The following SARS1 variants were observed in gnomAD, a reference collection of about 807,000 sequenced individuals.
SARS1 encodes the protein seryl-tRNA synthetase 1, also known as serine--tRNA ligase, cytoplasmic.
In SARS1, 25 loss-of-function variants were observed where a neutral mutation model predicts 63.7. The observed-to-expected ratio is 0.39, with a 90% CI of 0.29 to 0.55. The LOEUF (loss-of-function observed/expected upper bound fraction) is 0.55. Ranked by LOEUF, SARS1 falls within the 20% of genes least tolerant of loss-of-function variation. The pLI is 0.62. For missense variants in SARS1, 417 were observed against 649.7 expected, an observed-to-expected ratio of 0.64 and a Z score of 3.89; for synonymous variants, 231 against 243.5, an observed-to-expected ratio of 0.95 and a Z score of 0.48.
At position 109,237,678 on chromosome 1, in the gene SARS1, G is replaced by A; in HGVS notation, c.1388-53G>A. On this transcript the variant is annotated intron_variant, in intron 10 of 10. Coordinates refer to ENST00000234677, the MANE Select transcript of SARS1 (RefSeq NM_006513.4). This position sits in a 1 kb window ranked among gnomAD's most constrained non-coding sequence, Gnocchi z 4.1. ...GTTGAATTCTCCCCAGAGGTCTTAGGGCTTTGACTCACTGAGAAACAACAG... is the reference window on the plus strand; with the variant it reads ...GTTGAATTCTCCCCAGAGGTCTTAGAGCTTTGACTCACTGAGAAACAACAG... 1 of 1,598,608 alleles carries A rather than the reference G, an allele frequency of 6.3e-7. No individual in the cohort carries two copies.
intron 6 of SARS1, 34 bp downstream of exon 6, chr1:109,231,820 CT>C (rs1364056263): frequency 2.1e-6 from 3 of 1,450,994 alleles, no homozygotes; most frequent in Non-Finnish European, 1.8e-6. Context: ...AGAATGACTT[CT>C]TAAGTTATGT....
chr1:109,221,745 G>A lies in SARS1; in HGVS notation c.137-2233G>A, dbSNP rs1416175614. Reference sequence around the variant, plus strand: ...CTGAGAGAAATTAAAAACAATGAAGGGATATACTATATTCATTGATTGAAA... The same window carrying A: ...CTGAGAGAAATTAAAAACAATGAAGAGATATACTATATTCATTGATTGAAA... On this transcript the variant is annotated intron_variant, in intron 1 of 10. Coordinates refer to ENST00000234677, the MANE Select transcript of SARS1 (RefSeq NM_006513.4). 2.6e-5 allele frequency among the ~76,000 whole-genome samples: 4 copies of A among 151,286 alleles called. No homozygotes were observed. The East Asian group carries it at 7.7e-4, about 29-fold the overall frequency.
At chr1:109,222,101 C>T (rs1265354958) in intron 1 of SARS1, among the ~76,000 whole-genome samples, 2 of 139,242 alleles carry the variant, frequency 1.4e-5, no homozygotes, top group Non-Finnish European at 3.0e-5. Flanking sequence ...TGGGCTCAAG[C>T]GACCCACCCA....
In SARS1 at chr1:109,235,118, T is replaced by A; in HGVS notation, c.748-92T>A. 1 of 1,018,390 alleles carries A rather than the reference T, an allele frequency of 9.8e-7. No homozygotes were observed. Among genetic ancestry groups the A allele is most frequent in the Middle Eastern group, 2.1e-4 (1 of 4,672 alleles). The allele number at this position is 1,018,390 out of a possible 1,614,324, so 63.1% of individuals were successfully genotyped here. On this transcript the variant is annotated intron_variant, in intron 6 of 10. Coordinates refer to ENST00000234677, the MANE Select transcript of SARS1 (RefSeq NM_006513.4). This position sits in a 1 kb window ranked among gnomAD's most constrained non-coding sequence, Gnocchi z 4.7. ...GGCAGGGATTAAAGGAAATTTTTCCTGCACTATTATTGATCTCTTTCTTGT... is the reference window on the plus strand; with the variant it reads ...GGCAGGGATTAAAGGAAATTTTTCCAGCACTATTATTGATCTCTTTCTTGT...
chr1:109,215,168 CTA>C, intron 1 of SARS1: 3 of 985,396 alleles, frequency 3.0e-6, no homozygotes, highest in Non-Finnish European at 3.6e-6. Flanking sequence ...TGTGCTGATT[CTA>C]TGTCTTAGGC....
intron 9 of SARS1, 191 bp downstream of exon 9, chr1:109,236,739 A>T: frequency 6.5e-7 from 1 of 1,535,626 alleles, no homozygotes; most frequent in East Asian, 2.4e-5. Context: ...AGAAACCTGA[A>T]TCTAGCTCTC....
At chr1:109,221,733 A>G (rs1013687925) in intron 1 of SARS1, among the ~76,000 whole-genome samples, 21 of 152,076 alleles carry the variant, frequency 1.4e-4, no homozygotes, top group Non-Finnish European at 2.9e-5. Flanking sequence ...AGAGAAATTA[A>G]AAACAATGAA....
At chr1:109,230,805 C>CA (rs775189489) in intron 4 of SARS1, 73 bp from the exon 5 acceptor site, 83,811 of 1,002,304 alleles carry the variant, frequency 0.084, 7 homozygotes, top group Non-Finnish European at 0.089. Flanking sequence ...ACCCTGTCTC[C>CA]AAAAAAAAAA....
intron 9 of SARS1, chr1:109,236,879 T>C: frequency 6.3e-7 from 1 of 1,594,226 alleles, no homozygotes; most frequent in Non-Finnish European, 8.5e-7. Flanking sequence ...AGGTCTGGGT[T>C]GTAAGCTGCT....
Position 109,236,561 on chromosome 1 carries a change from C to G in SARS1, c.1257+13C>G, listed in dbSNP as rs569724886. 1.1e-5 allele frequency: 18 copies of G among 1,595,804 alleles called. No individual in the cohort carries two copies. In the South Asian group the frequency reaches 2.0e-4, roughly 18 times the overall value. On this transcript the variant is annotated intron_variant, in intron 9 of 10. Coordinates refer to ENST00000234677, the MANE Select transcript of SARS1 (RefSeq NM_006513.4). ...GATGATGGACAAGGTAGATGGCCCCCAGGGAGGTGGGAAGCAGAGTCTTCA... is the reference window on the plus strand; with the variant it reads ...GATGATGGACAAGGTAGATGGCCCCGAGGGAGGTGGGAAGCAGAGTCTTCA...
Position 109,224,965 on chromosome 1 carries a change from C to T in SARS1, c.207+917C>T, listed in dbSNP as rs142289637. 3.0e-3 allele frequency among the ~76,000 whole-genome samples: 452 copies of T among 152,162 alleles called. 5 individuals are homozygous for T. Among genetic ancestry groups the T allele is most frequent in the African/African-American group, 0.01 (423 of 41,496 alleles). Reference sequence around the variant, plus strand: ...AAATGAAACAAAAAAATTAGCCAGACGTGGCGGCCTGTGCCTGTAGTTCCA... The same window carrying T: ...AAATGAAACAAAAAAATTAGCCAGATGTGGCGGCCTGTGCCTGTAGTTCCA... On this transcript the variant is annotated intron_variant, in intron 2 of 10. Coordinates refer to ENST00000234677, the MANE Select transcript of SARS1 (RefSeq NM_006513.4).
At chr1:109,216,360 A>G in intron 1 of SARS1, 1 of 985,438 alleles carries the variant, frequency 1.0e-6, no homozygotes, top group Non-Finnish European at 1.2e-6. Context: ...TGGAGAACTC[A>G]GGAGTCCAGT....
intron 4 of SARS1, among the ~76,000 whole-genome samples, chr1:109,230,491 G>C (rs1297349459): frequency 1.3e-5 from 2 of 152,186 alleles, no homozygotes; most frequent in Non-Finnish European, 2.9e-5. Flanking sequence ...AGTTTGGAAA[G>C]ATGGAGGTTG....
intron 2 of SARS1, among the ~76,000 whole-genome samples, chr1:109,226,443 C>T (rs4970831): frequency 0.2 from 30,390 of 149,188 alleles, 3,250 homozygotes; most frequent in South Asian, 0.28. Context: ...CCTCCAACTC[C>T]TTGGCTCAAG....
At position 109,235,963 on chromosome 1, in the gene SARS1, G is replaced by A; in HGVS notation, c.970-14G>A. The A allele has an allele frequency of 6.3e-7, 1 of 1,595,564 alleles. No individual in the cohort carries two copies. Among genetic ancestry groups the A allele is most frequent in the African/African-American group, 1.3e-5 (1 of 74,152 alleles). On this transcript the variant is annotated splice_polypyrimidine_tract_variant and intron_variant, in intron 7 of 10. Transcript: ENST00000234677. This position sits in a 1 kb window ranked among gnomAD's most constrained non-coding sequence, Gnocchi z 4.7. ...TATACCGCTGTCACCGTTTCCTTGG[G>A]TCCCTCTCTGCAGATTGAACAGTTT...
At chr1:109,226,069 T>C (rs2101193590) in intron 2 of SARS1, among the ~76,000 whole-genome samples, 1 of 151,898 alleles carries the variant, frequency 6.6e-6, no homozygotes, top group South Asian at 2.1e-4. Context: ...CATGGCTCAC[T>C]GCAGCCTCAA....
In SARS1 at chr1:109,228,444, T is replaced by C. The variant is rs774547428; in HGVS notation, c.288+12T>C. On this transcript the variant is annotated intron_variant, in intron 3 of 10. Transcript: ENST00000234677. ...CAGACGCTTTAGCTGTAAGTTATAG[T>C]TCTTTTCTAAGTTAGGATCTCTGCT... 3.2e-6 allele frequency: 5 copies of C among 1,568,232 alleles called. No individual in the cohort carries two copies. In the East Asian group the frequency reaches 1.1e-4, roughly 35 times the overall value.
intron 1 of SARS1, among the ~76,000 whole-genome samples, chr1:109,223,417 G>A (rs530455870): frequency 6.7e-4 from 102 of 152,292 alleles, no homozygotes; most frequent in African/African-American, 2.4e-3. Flanking sequence ...CTTCATACAG[G>A]TTATGATACT....
At chr1:109,215,140 T>C (rs1654755736) in intron 1 of SARS1, 1 of 985,484 alleles carries the variant, frequency 1.0e-6, no homozygotes, top group Non-Finnish European at 1.2e-6. Context: ...CAAAAGAATA[T>C]TTGTTTAACT....
Sources: allele counts gnomAD v4.1 joint callset (sites outside exome capture counted in the v4.1 genomes callset), GRCh38; gene constraint gnomAD v4.1.1; non-coding constraint Gnocchi (gnomAD v3.1); transcripts MANE v1.5; gene names NCBI Gene and HGNC (gene_info 2026-07-23, HGNC 2026-07-21).